ADARB2: variants seen among roughly 807,000 people sequenced by gnomAD.
ADARB2 encodes the protein inactive double-stranded RNA-specific editase B2.
A neutral mutation model predicts 62.2 loss-of-function variants in ADARB2; 25 were observed. The observed-to-expected ratio is 0.40, with a 90% confidence interval of 0.29 to 0.56. The LOEUF is 0.56. Among genes scored for constraint, ADARB2 ranks in the 20% least tolerant of loss-of-function variants. The pLI, the probability that ADARB2 is intolerant of heterozygous loss-of-function variation, is 0.43. For synonymous variants in ADARB2, 572 were observed against 500.8 expected (o/e 1.14, Z -1.90); for missense variants, 1,071 against 1,077.4 (o/e 0.99, Z 0.08).
rs185680490 is a variant in ADARB2, at chr10:1,734,665, C to T, written c.100+2386G>A. Among the ~76,000 whole-genome samples the T allele has an allele frequency of 1.1e-4, 17 of 152,278 alleles. No homozygotes were observed. The East Asian group carries it at 2.7e-3, about 24-fold the overall frequency. On this transcript the variant is annotated intron_variant, in intron 1 of 9. Coordinates refer to ENST00000381312, the MANE Select transcript of ADARB2 (RefSeq NM_018702.4). ...AGCATGTATCTTAATTGTCTTTATT[C>T]CCCCATAAGAACAGCCCTTACCTTG... is the stretch of plus-strand genomic sequence containing the variant.
At chr10:1,542,733 C>T (rs1335017750) in intron 1 of ADARB2, among the ~76,000 whole-genome samples, 2 of 51,310 alleles carry the variant, frequency 3.9e-5, no homozygotes, top group African/African-American at 7.5e-5. Flanking sequence ...CACTCAGACG[C>T]AGTTCGGACC....
At chr10:1,338,199 T>C (rs1831991801) in intron 3 of ADARB2, among the ~76,000 whole-genome samples, 1 of 152,108 alleles carries the variant, frequency 6.6e-6, no homozygotes, top group African/African-American at 2.4e-5. Flanking sequence ...GTGGCAGGCA[T>C]TTCTCCTTTT....
chr10:1,655,878 T>C (rs542445198), intron 1 of ADARB2, among the ~76,000 whole-genome samples: 1 of 152,360 alleles, frequency 6.6e-6, no homozygotes, highest in East Asian at 1.9e-4. Context: ...AGAATATCTA[T>C]TTTCATGTTT....
chr10:1,723,526 G>A (rs1373966816), intron 1 of ADARB2, among the ~76,000 whole-genome samples: 2 of 152,148 alleles, frequency 1.3e-5, no homozygotes, highest in Non-Finnish European at 2.9e-5. Flanking sequence ...TTTAGTTGAT[G>A]GTGTCTTAGG....
chr10:1,555,657 G>T (rs11250620), intron 1 of ADARB2, among the ~76,000 whole-genome samples: 2 of 152,214 alleles, frequency 1.3e-5, no homozygotes, highest in East Asian at 3.9e-4. Flanking sequence ...TATATGGGCC[G>T]GGCGCGGTGG....
intron 2 of ADARB2, among the ~76,000 whole-genome samples, chr10:1,375,617 G>A (rs1832415483): frequency 6.6e-6 from 1 of 152,244 alleles, no homozygotes; most frequent in South Asian, 2.1e-4. Flanking sequence ...TCGTATTGGA[G>A]CCCTTAGACA....
intron 1 of ADARB2, among the ~76,000 whole-genome samples, chr10:1,487,305 G>T (rs1299017912): frequency 2.6e-5 from 4 of 152,268 alleles, no homozygotes; most frequent in Admixed American, 2.6e-4. Context: ...TCAGTTGCAA[G>T]TTATTGAAAA....
chr10:1,360,361 G>A (rs1364146027), intron 3 of ADARB2, among the ~76,000 whole-genome samples: 2 of 152,194 alleles, frequency 1.3e-5, no homozygotes, highest in Non-Finnish European at 2.9e-5. Flanking sequence ...CAAGGGCCAG[G>A]GACTCAGGCT....
intron 8 of ADARB2, among the ~76,000 whole-genome samples, chr10:1,189,633 A>C (rs1836810694): frequency 1.3e-5 from 2 of 152,076 alleles, no homozygotes; most frequent in African/African-American, 4.8e-5. Context: ...GGGTGTCTGC[A>C]GCTGCAGGGG....
intron 1 of ADARB2, among the ~76,000 whole-genome samples, chr10:1,559,763 T>A (rs562840872): frequency 6.6e-6 from 1 of 152,206 alleles, no homozygotes; most frequent in Non-Finnish European, 1.5e-5. Flanking sequence ...GGGTTTTCTG[T>A]AGATTTGACA....
chr10:1,262,682 G>A (rs1215321909), intron 4 of ADARB2, among the ~76,000 whole-genome samples: 2 of 152,174 alleles, frequency 1.3e-5, no homozygotes, highest in African/African-American at 4.8e-5. Flanking sequence ...CCCTGTTGGT[G>A]GGACTGTAAA....
chr10:1,381,579 T>C (rs979507891), intron 1 of ADARB2, among the ~76,000 whole-genome samples: 2 of 152,144 alleles, frequency 1.3e-5, no homozygotes, highest in African/African-American at 4.8e-5. Context: ...AGCCCAGAGG[T>C]GGAAGCAACT....
At chr10:1,283,096 C>T (rs1039908851) in intron 3 of ADARB2, among the ~76,000 whole-genome samples, 3 of 152,146 alleles carry the variant, frequency 2.0e-5, no homozygotes, top group African/African-American at 4.8e-5. Context: ...AATGCCAGCT[C>T]CTTTATAAAG....
At position 1,448,261 on chromosome 10, in the gene ADARB2, C is replaced by G. The variant is rs147938638; in HGVS notation, c.101-69101G>C. The stretch of plus-strand genomic sequence containing the variant: ...AGATTAGGTTTTGGGCTGACAGGCT[C>G]TCTCTACCTCCATGAAACAAATGTG... On this transcript the variant is annotated intron_variant, in intron 1 of 9. Transcript: ENST00000381312. 3.5e-3 allele frequency among the ~76,000 whole-genome samples: 539 copies of G among 152,278 alleles called. 4 individuals are homozygous for G. The highest frequency in any genetic ancestry group is 0.012 in the African/African-American group (504 of 41,554).
At chr10:1,250,701 GTCTCATGTAT>G (rs1293211707) in intron 4 of ADARB2, among the ~76,000 whole-genome samples, 1 of 152,130 alleles carries the variant, frequency 6.6e-6, no homozygotes, top group Non-Finnish European at 1.5e-5. Context: ...AAAGTACCCA[GTCTCATGTAT>G]TCTGTTATAG....
At chr10:1,443,918 T>TTG (rs1830931004) in intron 1 of ADARB2, among the ~76,000 whole-genome samples, 1 of 152,130 alleles carries the variant, frequency 6.6e-6, no homozygotes, top group African/African-American at 2.4e-5. Context: ...TATTGCAGGT[T>TTG]AACACAAATG....
At chr10:1,603,211 G>C (rs1833450002) in intron 1 of ADARB2, among the ~76,000 whole-genome samples, 2 of 152,164 alleles carry the variant, frequency 1.3e-5, no homozygotes, top group African/African-American at 4.8e-5. Flanking sequence ...CCGGGGTGGA[G>C]CTGGGATGAG....
chr10:1,410,953 G>T (rs907320868), intron 1 of ADARB2, among the ~76,000 whole-genome samples: 1 of 152,192 alleles, frequency 6.6e-6, no homozygotes, highest in South Asian at 2.1e-4. Flanking sequence ...TCCTGGAGGC[G>T]AAGGGCTGAG....
intron 1 of ADARB2, among the ~76,000 whole-genome samples, chr10:1,700,217 G>A (rs796175394): frequency 1.7e-4 from 2 of 11,486 alleles, no homozygotes; most frequent in African/African-American, 2.5e-4. Context: ...GCCAATACAC[G>A]CAATCCCACT....
Sources: allele counts gnomAD v4.1 joint callset (sites outside exome capture counted in the v4.1 genomes callset), GRCh38; gene constraint gnomAD v4.1.1; transcripts MANE v1.5; gene names NCBI Gene and HGNC (gene_info 2026-07-23, HGNC 2026-07-21).